The following SPTB variants were observed in gnomAD, a reference collection of about 807,000 sequenced individuals.
SPTB encodes the protein spectrin beta, erythrocytic.
Under a neutral mutation model 256.2 loss-of-function variants are expected in SPTB, and 45 were observed. The observed-to-expected ratio is 0.18, with a 90% CI of 0.14 to 0.23. The LOEUF is 0.23. Ranked by LOEUF, SPTB falls within the 10% of genes least tolerant of loss-of-function variation. The probability of loss-of-function intolerance (pLI) is 1.00; values close to 1 mark genes in which losing one functional copy is unlikely to be tolerated. For missense variants in SPTB, 2,715 were observed against 3,040.4 expected, an observed-to-expected ratio of 0.89 and a Z score of 2.52; for synonymous variants, 1,231 against 1,243.1, an observed-to-expected ratio of 0.99 and a Z score of 0.21.
At position 64,785,854 on chromosome 14, in the gene SPTB, T is replaced by C; in HGVS notation, c.3659A>G (p.Asn1220Ser). The C allele has an allele frequency of 1.9e-6, 3 of 1,614,090 alleles. No individual in the cohort carries two copies. The highest frequency in any genetic ancestry group is 3.3e-5 in the Admixed American group (2 of 60,024). The stretch of plus-strand genomic sequence containing the variant: ...CACAGGACTCAAGACCTTATCCCGG[T>C]TGTTCTCCATAGACCCCAAGAAATC... ...FEDFLGSMEN[N>S]RDKVLSPVDS... The change falls in exon 17 of 36, where the codon AAC (asparagine) becomes AGC (serine). Residue 1220 changes from asparagine (N) to serine (S), a missense_variant. Physicochemically the swap from Asn to Ser is conservative, Grantham distance 46 (BLOSUM62 1). Around this residue, in one of 4 missense-constraint regions of SPTB, gnomAD observed 2,239 missense variants for 2,384.4 expected, o/e 0.94. Transcript: ENST00000644917. The surrounding 1 kb of genome is among the most constrained non-coding windows in gnomAD (Gnocchi z 4.4).
chr14:64,763,206 T>C (rs1224762707), intron 32 of SPTB, among the ~76,000 whole-genome samples: 1 of 152,200 alleles, frequency 6.6e-6, no homozygotes, highest in Non-Finnish European at 1.5e-5. Flanking sequence ...TGGGGGATGC[T>C]CAGCAGGACC....
At chr14:64,763,096 C>T (rs568556170) in intron 32 of SPTB, among the ~76,000 whole-genome samples, 51 of 152,310 alleles carry the variant, frequency 3.3e-4, no homozygotes, top group Admixed American at 1.7e-3. Flanking sequence ...TCATCAACAC[C>T]ATTTCTTCTC....
At chr14:64,865,381 A>G (rs1305563401) in intron 1 of SPTB, among the ~76,000 whole-genome samples, 2 of 151,948 alleles carry the variant, frequency 1.3e-5, no homozygotes, top group Non-Finnish European at 2.9e-5. Flanking sequence ...TGAGATGTAA[A>G]GTGACTTCCT....
At position 64,749,177 on chromosome 14, in the gene SPTB, G is replaced by T; in HGVS notation, c.*129C>A. ...AGGCAGCTTTTGCAGTGCAGCGTGG[G>T]GCCCGGGGGCCCGGCCCGCGACTCG... is the stretch of plus-strand genomic sequence containing the variant. On this transcript the variant is annotated 3_prime_UTR_variant, in exon 36 of 36. Transcript: ENST00000644917. This position sits in a 1 kb window ranked among gnomAD's most constrained non-coding sequence, Gnocchi z 4.7. 8.6e-7 allele frequency: 1 copy of T among 1,163,546 alleles called. No individual in the cohort carries two copies. The highest frequency in any genetic ancestry group is 1.2e-6 in the Non-Finnish European group (1 of 832,614). 72.1% of individuals were successfully genotyped at this position (1,163,546 alleles called of 1,614,324 possible).
rs1182826116 is a variant in SPTB, at chr14:64,806,886, T to C, written c.149-1796A>G. Among the ~76,000 whole-genome samples the C allele has an allele frequency of 6.6e-6, 1 of 152,156 alleles. No individual in the cohort carries two copies. The highest frequency in any genetic ancestry group is 1.9e-4 in the East Asian group (1 of 5,198). ...ACTACTACTGACTGTGAATCCTAAA[T>C]ACATGTAAAATTTAAACGGCATTCA... On this transcript the variant is annotated intron_variant, in intron 2 of 35. Transcript: ENST00000644917. The surrounding 1 kb of genome is among the most constrained non-coding windows in gnomAD (Gnocchi z 4.1).
chr14:64,752,302 C>A, intron 33 of SPTB: 1 of 1,284,622 alleles, frequency 7.8e-7, no homozygotes, highest in Non-Finnish European at 1.0e-6. Context: ...CTCTCCTCTC[C>A]CTCTTCTCCC....
intron 19 of SPTB, 104 bp from the exon 20 acceptor site, chr14:64,782,657 G>GCAAA: frequency 6.6e-7 from 1 of 1,524,374 alleles, no homozygotes; most frequent in Admixed American, 1.7e-5. Context: ...GGTCAGTAAG[G>GCAAA]CAAAGAATCT....
At position 64,760,596 on chromosome 14, in the gene SPTB, G is replaced by A. The variant is rs542877225; in HGVS notation, c.6345+6130C>T. ...GCTGACTGCAGCAACGGGATGCATCGTGCCACAACTGAATTCATGTTAGAA... is the reference window on the plus strand; with the variant it reads ...GCTGACTGCAGCAACGGGATGCATCATGCCACAACTGAATTCATGTTAGAA... On this transcript the variant is annotated intron_variant, in intron 32 of 35. Coordinates refer to ENST00000644917, the MANE Select transcript of SPTB (RefSeq NM_001355436.2). The surrounding 1 kb of genome is among the most constrained non-coding windows in gnomAD (Gnocchi z 4.3). 9.8e-5 allele frequency among the ~76,000 whole-genome samples: 15 copies of A among 152,294 alleles called. No individual in the cohort carries two copies. The highest frequency in any genetic ancestry group is 8.3e-4 in the South Asian group (4 of 4,824).
chr14:64,850,184 A>C (rs1441294766), intron 1 of SPTB, among the ~76,000 whole-genome samples: 1 of 152,230 alleles, frequency 6.6e-6, no homozygotes, highest in Non-Finnish European at 1.5e-5. Flanking sequence ...GACAAGAAGG[A>C]CTGACTGTTC....
At chr14:64,817,420 C>T (rs2083211719) in intron 2 of SPTB, among the ~76,000 whole-genome samples, 1 of 152,210 alleles carries the variant, frequency 6.6e-6, no homozygotes, top group African/African-American at 2.4e-5. Flanking sequence ...CTAAATAAAA[C>T]CCCATTTTAT....
intron 2 of SPTB, among the ~76,000 whole-genome samples, chr14:64,813,239 C>G (rs1049312329): frequency 6.6e-6 from 1 of 151,880 alleles, no homozygotes; most frequent in African/African-American, 2.4e-5. Flanking sequence ...GTTCATAAAC[C>G]CTGGGGACTA....
intron 23 of SPTB, 72 bp from the exon 24 acceptor site, chr14:64,774,599 C>T (rs1229603241): frequency 6.5e-7 from 1 of 1,548,656 alleles, no homozygotes; most frequent in Non-Finnish European, 8.7e-7. Context: ...GTTGTGCCCC[C>T]ACTCCTGGAG....
chr14:64,861,729 G>T (rs994671159), intron 1 of SPTB, among the ~76,000 whole-genome samples: 1 of 152,088 alleles, frequency 6.6e-6, no homozygotes, highest in African/African-American at 2.4e-5. Context: ...TCTGCTCCTC[G>T]CCACGGCTTT....
intron 9 of SPTB, among the ~76,000 whole-genome samples, chr14:64,798,446 C>T (rs567473494): frequency 1.6e-4 from 25 of 152,294 alleles, no homozygotes; most frequent in African/African-American, 5.5e-4. Context: ...TCAGCAGGAT[C>T]GGTGTCTAGC....
In SPTB at chr14:64,824,445, C is replaced by T. The variant is rs888284287; in HGVS notation, c.-51-1300G>A. 4.6e-5 allele frequency among the ~76,000 whole-genome samples: 7 copies of T among 152,126 alleles called. No individual in the cohort carries two copies. Among genetic ancestry groups the T allele is most frequent in the African/African-American group, 1.7e-4 (7 of 41,414 alleles). ...GGGGAGCCAGGCTTGGTCTTCAATGCCCTGGACCCTAGGAAAACTATTAGC... is the reference window on the plus strand; with the variant it reads ...GGGGAGCCAGGCTTGGTCTTCAATGTCCTGGACCCTAGGAAAACTATTAGC... On this transcript the variant is annotated intron_variant, in intron 1 of 35. Transcript: ENST00000644917. This position sits in a 1 kb window ranked among gnomAD's most constrained non-coding sequence, Gnocchi z 5.7.
At chr14:64,804,835 G>A in intron 3 of SPTB, 104 bp downstream of exon 3, 2 of 1,450,460 alleles carry the variant, frequency 1.4e-6, no homozygotes, top group Non-Finnish European at 1.9e-6. Context: ...AAGGAGCAGA[G>A]AGAAAACTGG....
intron 1 of SPTB, among the ~76,000 whole-genome samples, chr14:64,862,140 C>T (rs1881881968): frequency 6.6e-6 from 1 of 152,188 alleles, no homozygotes; most frequent in South Asian, 2.1e-4. Flanking sequence ...TCCCACTTAA[C>T]ACAGTTAACA....
Position 64,816,029 on chromosome 14 carries a change from G to T in SPTB, c.148+6918C>A, listed in dbSNP as rs2083185431. Among the ~76,000 whole-genome samples, 1 of 152,142 alleles carries T rather than the reference G, an allele frequency of 6.6e-6. No homozygotes were observed. On this transcript the variant is annotated intron_variant, in intron 2 of 35. Transcript: ENST00000644917. The surrounding 1 kb of genome is among the most constrained non-coding windows in gnomAD (Gnocchi z 4.2). ...AGCGTCTTCTCTTTACCGGACTTCTGCACAGCCTCTCCACAACCTGTTCTC... is the reference window on the plus strand; with the variant it reads ...AGCGTCTTCTCTTTACCGGACTTCTTCACAGCCTCTCCACAACCTGTTCTC...
Position 64,822,992 on chromosome 14 carries a change from T to C in SPTB, c.103A>G (p.Ser35Gly). 6.2e-7 allele frequency: 1 copy of C among 1,614,050 alleles called. No homozygotes were observed. Among genetic ancestry groups the C allele is most frequent in the South Asian group, 1.1e-5 (1 of 91,066 alleles). ...GACCTCTCAAAGAGCCTGGCTGAGC[T>C]GTTGTCATTATCCAGCTCGTCGTCT... is the stretch of plus-strand genomic sequence containing the variant. The part of the protein sequence containing the change: ...APDDELDNDN[S>G]SARLFERSRI... The change falls in exon 2 of 36, where the codon AGC becomes GGC. Residue 35 changes from serine (S) to glycine (G), a missense_variant. Coordinates refer to ENST00000644917, the MANE Select transcript of SPTB (RefSeq NM_001355436.2).
Sources: gnomAD v4.1 joint callset for allele counts (sites outside exome capture counted in the v4.1 genomes callset) on GRCh38, gnomAD v4.1.1 for gene constraint, gnomAD v4.1.1 regional missense constraint, Gnocchi (gnomAD v3.1) non-coding constraint, MANE v1.5 for transcripts, NCBI Gene and HGNC (gene_info 2026-07-23, HGNC 2026-07-21) for gene names.